The following UNC80 variants were observed in gnomAD, a reference collection of about 807,000 sequenced individuals.
UNC80 encodes the protein protein unc-80 homolog.
A neutral mutation model predicts 384.6 loss-of-function variants in UNC80; 164 were observed. The observed-to-expected ratio is 0.43, with a 90% confidence interval of 0.38 to 0.49. UNC80 has a LOEUF of 0.49. UNC80 is among the 20% of genes least tolerant of loss of function. The probability of loss-of-function intolerance (pLI) is 0.00; values close to 1 mark genes in which losing one functional copy is unlikely to be tolerated. For synonymous variants in UNC80, 1,486 were observed against 1,527.8 expected (o/e 0.97, Z 0.64); for missense variants, 3,330 against 4,143.0 (o/e 0.80, Z 5.39).
intron 52 of UNC80, 86 bp from the exon 53 acceptor site, chr2:209,969,682 T>C (rs1336451571): frequency 1.3e-6 from 2 of 1,504,172 alleles, no homozygotes; most frequent in African/African-American, 1.4e-5. Context: ...CTGTCTTAGA[T>C]GGCATCAGAA....
intron 29 of UNC80, 120 bp from the exon 30 acceptor site, chr2:209,912,440 A>G (rs2089053407): frequency 2.0e-6 from 1 of 510,020 alleles, no homozygotes; most frequent in Non-Finnish European, 3.4e-6. Flanking sequence ...GACCCACAAA[A>G]AGGCCTTTAA....
chr2:209,813,509 T>C (rs1325872377), intron 7 of UNC80, 71 bp from the exon 8 acceptor site: 2 of 1,448,826 alleles, frequency 1.4e-6, no homozygotes, highest in East Asian at 5.0e-5. Context: ...AGTAGAGCTA[T>C]AAGCCATGCT....
intron 7 of UNC80, among the ~76,000 whole-genome samples, chr2:209,804,368 T>C (rs2078751606): frequency 1.3e-5 from 2 of 152,204 alleles, no homozygotes; most frequent in South Asian, 4.1e-4. Context: ...GGCTATTAAT[T>C]CTATCCTCCA....
chr2:209,973,305 C>T (rs943127229), intron 56 of UNC80, 35 bp downstream of exon 56: 11 of 1,517,170 alleles, frequency 7.3e-6, no homozygotes, highest in East Asian at 2.5e-5. Context: ...TCTGTTTGTG[C>T]ATGTGTATGT....
chr2:209,898,715 A>C (rs1200028766), intron 28 of UNC80, among the ~76,000 whole-genome samples: 1 of 152,066 alleles, frequency 6.6e-6, no homozygotes, highest in Admixed American at 6.6e-5. Context: ...AGTCTTACTC[A>C]TTCTATTTTT....
intron 22 of UNC80, among the ~76,000 whole-genome samples, chr2:209,864,721 G>A (rs941386164): frequency 2.6e-5 from 4 of 152,204 alleles, no homozygotes; most frequent in African/African-American, 7.2e-5. Flanking sequence ...CACCAACAGG[G>A]GAAAAGCACA....
chr2:209,944,989 C>T lies in UNC80; in HGVS notation c.7051-62C>T, dbSNP rs142847701. The T allele has an allele frequency of 6.1e-4, 922 of 1,515,516 alleles. 5 individuals carry two copies. The African/African-American group carries it at 0.01, about 17-fold the overall frequency. The allele number at this position is 1,515,516 out of a possible 1,614,324, so 93.9% of individuals were successfully genotyped here. Reference sequence around the variant, plus strand: ...AATAGCATTTATAAAATTTGAATTCCTGTCAAGTTATAGTTTTACTGTGGT... The same window carrying T: ...AATAGCATTTATAAAATTTGAATTCTTGTCAAGTTATAGTTTTACTGTGGT... On this transcript the variant is annotated intron_variant, in intron 45 of 64. Transcript: ENST00000673920.
In UNC80 at chr2:209,934,020, C is replaced by G. The variant is rs2091071434; in HGVS notation, c.6178+15C>G. 6.6e-7 allele frequency: 1 copy of G among 1,514,148 alleles called. No individual in the cohort carries two copies. Among genetic ancestry groups the G allele is most frequent in the Admixed American group, 2.3e-5 (1 of 44,306 alleles). The allele number at this position is 1,514,148 out of a possible 1,614,324, so 93.8% of individuals were successfully genotyped here. ...TTCAATGCCAGGTAAGCCACTACTA[C>G]TTTTTAGTAACATAACTTTAAAAAA... is the stretch of plus-strand genomic sequence containing the variant. On this transcript the variant is annotated intron_variant, in intron 39 of 64. Transcript: ENST00000673920.
intron 4 of UNC80, among the ~76,000 whole-genome samples, chr2:209,784,741 C>T (rs1574429683): frequency 6.6e-6 from 1 of 152,322 alleles, no homozygotes; most frequent in East Asian, 1.9e-4. Context: ...GCCTTGTTCA[C>T]TGTTGTATTT....
intron 26 of UNC80, among the ~76,000 whole-genome samples, chr2:209,890,973 G>GC (rs2086271151): frequency 1.3e-5 from 2 of 152,120 alleles, no homozygotes; most frequent in Admixed American, 1.3e-4. Context: ...ACCTTTCCAT[G>GC]TTTTTCCAAT....
chr2:209,841,340 G>A (rs935724026), intron 20 of UNC80, among the ~76,000 whole-genome samples: 1 of 151,874 alleles, frequency 6.6e-6, no homozygotes, highest in Non-Finnish European at 1.5e-5. Context: ...GTGGGTTTTT[G>A]TTGTTGTTGT....
intron 38 of UNC80, among the ~76,000 whole-genome samples, chr2:209,932,559 T>C (rs946490080): frequency 6.6e-6 from 1 of 152,214 alleles, no homozygotes; most frequent in Non-Finnish European, 1.5e-5. Flanking sequence ...CCCAGACCAT[T>C]GCTCTCCTCC....
chr2:209,801,024 ATTC>A (rs143708390), intron 7 of UNC80, among the ~76,000 whole-genome samples: 3,161 of 152,270 alleles, frequency 0.021, 99 homozygotes, highest in African/African-American at 0.07. Flanking sequence ...AAGAATGAAT[ATTC>A]TGTTGACTTG....
chr2:209,922,268 T>C lies in UNC80; in HGVS notation c.5547T>C (p.Asn1849=), dbSNP rs1039671893. Residue 1849 remains asparagine (N), a synonymous_variant, in exon 35 of 65, where the codon AAT becomes AAC. Coordinates refer to ENST00000673920, the MANE Select transcript of UNC80 (RefSeq NM_001371986.1). ...GTTTGCCAGTAGAAGAAGTCACCAA[T>C]CTGGCATCCCGTCGACTGTCTGTGA... is the stretch of plus-strand genomic sequence containing the variant. ...EPEEEVEEVT[N]LASRRLSVSP... The C allele has an allele frequency of 6.4e-7, 1 of 1,552,206 alleles. No homozygotes were observed. Among genetic ancestry groups the C allele is most frequent in the African/African-American group, 1.4e-5 (1 of 73,156 alleles).
At chr2:209,846,447 A>G (rs1323873657) in intron 21 of UNC80, among the ~76,000 whole-genome samples, 1 of 152,064 alleles carries the variant, frequency 6.6e-6, no homozygotes, top group Non-Finnish European at 1.5e-5. Flanking sequence ...CACATCTTGT[A>G]TGTTCTCAGC....
chr2:209,799,674 C>G (rs746553381), intron 7 of UNC80, among the ~76,000 whole-genome samples: 1 of 152,106 alleles, frequency 6.6e-6, no homozygotes, highest in Non-Finnish European at 1.5e-5. Context: ...ATGCTTCCAG[C>G]TTTTGCCCAT....
chr2:209,774,146 G>A (rs2076736065), intron 2 of UNC80, among the ~76,000 whole-genome samples: 1 of 152,172 alleles, frequency 6.6e-6, no homozygotes, highest in Non-Finnish European at 1.5e-5. Flanking sequence ...AGATGTGTTA[G>A]GGCAAAAAAT....
In UNC80 at chr2:209,987,746, T is replaced by C. The variant is rs139337837; in HGVS notation, c.9314+2834T>C. On this transcript the variant is annotated intron_variant, in intron 61 of 64. Coordinates refer to ENST00000673920, the MANE Select transcript of UNC80 (RefSeq NM_001371986.1). ...TTTTAATCACAGTGAAAAATAAAAA[T>C]GTTTGAACAAGACTATATAGTCTAG... Among the ~76,000 whole-genome samples the C allele has an allele frequency of 6.4e-3, 979 of 152,138 alleles. 5 individuals carry two copies. Among genetic ancestry groups the C allele is most frequent in the Middle Eastern group, 0.01 (3 of 294 alleles).
chr2:209,772,549 T>C (rs1351932197), intron 1 of UNC80, among the ~76,000 whole-genome samples: 1 of 152,110 alleles, frequency 6.6e-6, no homozygotes, highest in Non-Finnish European at 1.5e-5. Context: ...TTTTTCCAGC[T>C]CCTGTTTGGC....
Sources: allele counts gnomAD v4.1 joint callset (sites outside exome capture counted in the v4.1 genomes callset), GRCh38; gene constraint gnomAD v4.1.1; transcripts MANE v1.5; gene names NCBI Gene and HGNC (gene_info 2026-07-23, HGNC 2026-07-21).